The following CREBBP variants were observed in gnomAD, a reference collection of about 807,000 sequenced individuals.
CREBBP encodes CREB-binding protein.
In CREBBP, 19 loss-of-function variants were observed where a neutral mutation model predicts 265.0. The observed-to-expected ratio is 0.07, with a 90% CI of 0.05 to 0.11. The LOEUF is 0.11. CREBBP is among the 10% of genes least tolerant of loss of function. The pLI is 1.00. For missense variants in CREBBP, 2,525 were observed against 3,219.0 expected, an observed-to-expected ratio of 0.78 and a Z score of 5.22; for synonymous variants, 1,457 against 1,223.7, an observed-to-expected ratio of 1.19 and a Z score of -3.98.
chr16:3,738,291 T>C (rs1212254808), intron 26 of CREBBP, among the ~76,000 whole-genome samples: 2 of 148,202 alleles, frequency 1.3e-5, no homozygotes, highest in South Asian at 4.3e-4. Flanking sequence ...TTCTATGATA[T>C]GTAAACTTTG....
intron 1 of CREBBP, among the ~76,000 whole-genome samples, chr16:3,860,920 G>A (rs1478793542): frequency 6.6e-6 from 1 of 151,964 alleles, no homozygotes; most frequent in East Asian, 1.9e-4. Flanking sequence ...CCAAGCCCTG[G>A]TTCAGATCAC....
intron 19 of CREBBP, among the ~76,000 whole-genome samples, chr16:3,752,118 T>C (rs2052487955): frequency 6.6e-6 from 1 of 152,102 alleles, no homozygotes; most frequent in Non-Finnish European, 1.5e-5. Flanking sequence ...CAGGCCATCA[T>C]CACTAACAAC....
In CREBBP at chr16:3,781,850, G is replaced by C. The variant is rs1383258809; in HGVS notation, c.1574-544C>G. ...CAGGAGAGGAGTTAGATTAACACTT[G>C]GGTCTCAGGATTCTAACTCAGTCTC... On this transcript the variant is annotated intron_variant, in intron 6 of 30. Transcript: ENST00000262367. Among the ~76,000 whole-genome samples the C allele has an allele frequency of 2.0e-5, 3 of 152,194 alleles. No individual in the cohort carries two copies. The East Asian group carries it at 5.8e-4, about 29-fold the overall frequency.
At chr16:3,846,404 T>C (rs112734120) in intron 2 of CREBBP, among the ~76,000 whole-genome samples, 1,962 of 152,344 alleles carry the variant, frequency 0.013, 37 homozygotes, top group African/African-American at 0.043. Flanking sequence ...TGAGATTATC[T>C]ATGCTGATTT....
chr16:3,778,068 G>A lies in CREBBP; in HGVS notation c.2056C>T (p.Pro686Ser), dbSNP rs763996233. ...QGILGNQPAL[P>S]APGAQPPVIP... ...ACAGGGGGCTGAGCCCCCGGGGCTG[G>A]TAAGGCTGGCTGGTTCCCCAAGATG... Residue 686 changes from proline (P) to serine (S), a missense_variant, in exon 10 of 31, where the codon CCA becomes TCA. Physicochemically the swap from Pro to Ser is moderately conservative, Grantham distance 74. Around this residue, in one of 19 missense-constraint regions of CREBBP, gnomAD observed 548 missense variants for 533.0 expected, o/e 1.03. Coordinates refer to ENST00000262367, the MANE Select transcript of CREBBP (RefSeq NM_004380.3). The A allele has an allele frequency of 4.3e-6, 7 of 1,614,116 alleles. No individual in the cohort carries two copies. In the African/African-American group the frequency reaches 9.3e-5, roughly 22 times the overall value.
intron 2 of CREBBP, among the ~76,000 whole-genome samples, chr16:3,818,435 G>A (rs1203988696): frequency 1.3e-5 from 2 of 151,254 alleles, no homozygotes; most frequent in Non-Finnish European, 1.5e-5. Flanking sequence ...AGCCTCCTGA[G>A]TAGCTGGGAC....
At chr16:3,841,322 T>A (rs376252429) in intron 2 of CREBBP, among the ~76,000 whole-genome samples, 1 of 151,972 alleles carries the variant, frequency 6.6e-6, no homozygotes, top group Non-Finnish European at 1.5e-5. Context: ...CACCGAGAAT[T>A]TGAAGCAAAG....
At position 3,770,242 on chromosome 16, in the gene CREBBP, C is replaced by T. The variant is rs183425443; in HGVS notation, c.2880+328G>A. 1.0e-3 allele frequency among the ~76,000 whole-genome samples: 156 copies of T among 152,026 alleles called. 1 individual carries two copies. Among genetic ancestry groups the T allele is most frequent in the African/African-American group, 3.5e-3 (145 of 41,438 alleles). ...TGTTGCCCAGGCTGGAGTACAGTGG[C>T]GTGATCTTGGCTCACTGTAACCTGT... On this transcript the variant is annotated intron_variant, in intron 14 of 30. Transcript: ENST00000262367.
In CREBBP at chr16:3,879,252, ACACAC is replaced by A. The variant is rs976864678; in HGVS notation, c.85+575_85+579del. On this transcript the variant is annotated intron_variant, in intron 1 of 30. Transcript: ENST00000262367. ...CACGCGCGCACACACACACACACAC[ACACAC>A]ACACAAAACAAGGAGTTTTGAAAAT... 9.2e-5 allele frequency among the ~76,000 whole-genome samples: 14 copies of A among 151,908 alleles called. No individual in the cohort carries two copies. The East Asian group carries it at 2.7e-3, about 29-fold the overall frequency.
rs1008980597 is a variant in CREBBP at position 3,726,636 on chromosome 16, A to C, written c.*1082T>G. On this transcript the variant is annotated 3_prime_UTR_variant, in exon 31 of 31. Transcript: ENST00000262367. ...TTAAACATTCTTACAGGGATCTTAAAGAACAGAATACATGTTAAAAACCTC... is the reference window on the plus strand; with the variant it reads ...TTAAACATTCTTACAGGGATCTTAACGAACAGAATACATGTTAAAAACCTC... 8.6e-6 allele frequency: 2 copies of C among 233,632 alleles called. No individual in the cohort carries two copies. Among genetic ancestry groups the C allele is most frequent in the African/African-American group, 4.4e-5 (2 of 45,360 alleles). The allele number at this position is 233,632 out of a possible 1,614,324, so 14.5% of individuals were successfully genotyped here. A position where few individuals can be genotyped will look rare whatever the true frequency, so the allele number is the denominator to read the frequency against.
chr16:3,875,238 G>A (rs2055375070), intron 1 of CREBBP, among the ~76,000 whole-genome samples: 1 of 152,180 alleles, frequency 6.6e-6, no homozygotes, highest in Non-Finnish European at 1.5e-5. Context: ...AAGGCGCCCT[G>A]CACATGACTT....
At chr16:3,755,093 C>T (rs2151378600) in intron 19 of CREBBP, among the ~76,000 whole-genome samples, 1 of 152,160 alleles carries the variant, frequency 6.6e-6, no homozygotes, top group Non-Finnish European at 1.5e-5. Flanking sequence ...ATTTGCATTT[C>T]CACTCTTAAA....
At chr16:3,830,932 A>C (rs2054331041) in intron 2 of CREBBP, among the ~76,000 whole-genome samples, 1 of 152,166 alleles carries the variant, frequency 6.6e-6, no homozygotes, top group African/African-American at 2.4e-5. Flanking sequence ...ACAGAAGCGC[A>C]CCACCAAGCC....
At chr16:3,813,395 T>G (rs900978160) in intron 2 of CREBBP, among the ~76,000 whole-genome samples, 35 of 152,222 alleles carry the variant, frequency 2.3e-4, no homozygotes, top group African/African-American at 8.2e-4. Context: ...AGCACATTTC[T>G]GATTTGCAAG....
chr16:3,810,651 G>A lies in CREBBP; in HGVS notation c.927C>T (p.Thr309=), dbSNP rs575297081. ...AAGTATTCTTGATATCTGTAGGGAAGGTGGGCAAACTGTTGACCATGCTCT... is the reference window on the plus strand; with the variant it reads ...AAGTATTCTTGATATCTGTAGGGAAAGTGGGCAAACTGTTGACCATGCTCT... The part of the protein sequence containing the change: ...SKQSMVNSLP[T]FPTDIKNTSV... The change falls in exon 3 of 31, where the codon ACC becomes ACT. Residue 309 remains threonine, a synonymous_variant. Transcript: ENST00000262367. 1.5e-5 allele frequency: 25 copies of A among 1,613,858 alleles called. No homozygotes were observed. In the African/African-American group the frequency reaches 2.1e-4, roughly 14 times the overall value.
chr16:3,824,721 T>C (rs896885550), intron 2 of CREBBP, among the ~76,000 whole-genome samples: 15 of 152,152 alleles, frequency 9.9e-5, no homozygotes, highest in Non-Finnish European at 1.8e-4. Context: ...CCCGGTCAAC[T>C]TGGAGACTAC....
At chr16:3,777,925 T>A in intron 10 of CREBBP, 86 bp downstream of exon 10, 1 of 1,475,782 alleles carries the variant, frequency 6.8e-7, no homozygotes. Context: ...GATATTCTAA[T>A]TCTCTGTTCT....
chr16:3,876,424 A>C (rs1023916014), intron 1 of CREBBP, among the ~76,000 whole-genome samples: 11 of 150,532 alleles, frequency 7.3e-5, no homozygotes, highest in African/African-American at 9.8e-5. Context: ...AAAAAAAAAA[A>C]AACAACCCAG....
rs545814683 is a variant in CREBBP at position 3,868,416 on chromosome 16, A to T, written c.85+11416T>A. Among the ~76,000 whole-genome samples, 62 of 130,602 alleles carry T rather than the reference A, an allele frequency of 4.7e-4. 9 individuals are homozygous for T. The highest frequency in any genetic ancestry group is 1.0e-3 in the Admixed American group (14 of 13,604). The allele number at this position is 130,602 out of a possible 152,430, so 85.7% of individuals were successfully genotyped here. On this transcript the variant is annotated intron_variant, in intron 1 of 30. Coordinates refer to ENST00000262367, the MANE Select transcript of CREBBP (RefSeq NM_004380.3). ...AAAGCATTGTCTACTCTCCCTACAG[A>T]CCTGAACTTGGATGAAAAAACACAC... is the stretch of plus-strand genomic sequence containing the variant.
Sources: gnomAD v4.1 joint callset for allele counts (sites outside exome capture counted in the v4.1 genomes callset) on GRCh38, gnomAD v4.1.1 for gene constraint, gnomAD v4.1.1 regional missense constraint, MANE v1.5 for transcripts, NCBI Gene and HGNC (gene_info 2026-07-23, HGNC 2026-07-21) for gene names.